Variants in COG7 observed in about 807,000 individuals in gnomAD.
COG7 encodes conserved oligomeric Golgi complex subunit 7.
In COG7, 49 loss-of-function variants were observed where a neutral mutation model predicts 91.5. The ratio of observed to expected loss-of-function variants is 0.54; its 90% CI spans 0.43 to 0.68. The LOEUF (loss-of-function observed/expected upper bound fraction) is 0.68, where lower values mean the gene tolerates loss of function less well. Ranked by LOEUF, COG7 falls within the 30% of genes least tolerant of loss-of-function variation. The pLI is 0.00. For synonymous variants in COG7, 365 were observed against 388.7 expected (o/e 0.94, Z 0.72); for missense variants, 895 against 961.3 (o/e 0.93, Z 0.91).
chr16:23,389,459 CCACACT>C (rs1168601349), intron 16 of COG7, among the ~76,000 whole-genome samples: 2 of 151,748 alleles, frequency 1.3e-5, no homozygotes, highest in East Asian at 3.9e-4. Flanking sequence ...ACTCTCACAT[CCACACT>C]CACACTCACA....
intron 13 of COG7, 24 bp downstream of exon 13, chr16:23,403,670 T>C (rs1253807558): frequency 6.2e-7 from 1 of 1,613,730 alleles, no homozygotes; most frequent in East Asian, 2.2e-5. Flanking sequence ...CGGGAAAAAT[T>C]GATGTGGTCA....
chr16:23,416,034 A>T (rs1218874893), intron 9 of COG7: 3 of 151,238 alleles, frequency 2.0e-5, no homozygotes, highest in South Asian at 4.2e-4. Context: ...ATTTTTTTTT[A>T]TTTTTTATTT....
chr16:23,445,674 T>C lies in COG7; in HGVS notation c.318+139A>G, dbSNP rs8055549. The C allele has an allele frequency of 2.3e-4, 196 of 865,020 alleles. No homozygotes were observed. In the African/African-American group the frequency reaches 2.9e-3, roughly 13 times the overall value. 53.6% of individuals were successfully genotyped at this position (865,020 alleles called of 1,614,324 possible). A position where few individuals can be genotyped will look rare whatever the true frequency, so the allele number is the denominator to read the frequency against. On this transcript the variant is annotated intron_variant, in intron 2 of 16. Transcript: ENST00000307149. Reference sequence around the variant, plus strand: ...ACTCTGTCTCAAAAAAAAAAGAGCATAGCTGGAGTGCTGGGCAGAATCTTG... The same window carrying C: ...ACTCTGTCTCAAAAAAAAAAGAGCACAGCTGGAGTGCTGGGCAGAATCTTG...
At chr16:23,389,915 G>C (rs888374699) in intron 16 of COG7, 1 of 152,230 alleles carries the variant, frequency 6.6e-6, no homozygotes, top group African/African-American at 2.4e-5. Flanking sequence ...GTGCAGCCAG[G>C]TGTGACCTCA....
chr16:23,403,677 G>C lies in COG7; in HGVS notation c.1803+17C>G. On this transcript the variant is annotated intron_variant, in intron 13 of 16. Coordinates refer to ENST00000307149, the MANE Select transcript of COG7 (RefSeq NM_153603.4). ...GCAGGACCCGGGAAAAATTGATGTG[G>C]TCAGTGAGAAACTCACGTCCATCTT... is the stretch of plus-strand genomic sequence containing the variant. The C allele has an allele frequency of 6.2e-7, 1 of 1,613,870 alleles. No individual in the cohort carries two copies. The highest frequency in any genetic ancestry group is 1.1e-5 in the South Asian group (1 of 91,062).
rs146818767 is a variant in COG7, at chr16:23,442,654, G to C, written c.436-9C>G. On this transcript the variant is annotated splice_polypyrimidine_tract_variant and intron_variant, in intron 3 of 16. Coordinates refer to ENST00000307149, the MANE Select transcript of COG7 (RefSeq NM_153603.4). ...GAAATCACAGCTATGTCCTAGAAAA[G>C]ACCAGAATAGAGAATATTTATTTTA... The C allele has an allele frequency of 3.0e-5, 49 of 1,609,178 alleles. No homozygotes were observed. In the East Asian group the frequency reaches 1.0e-3, roughly 34 times the overall value.
intron 1 of COG7, 26 bp downstream of exon 1, chr16:23,452,800 C>G: frequency 6.3e-7 from 1 of 1,599,792 alleles, no homozygotes; most frequent in Non-Finnish European, 8.5e-7. Flanking sequence ...GGGAGGGTCC[C>G]GCGGCCAGGG....
chr16:23,408,684 C>T (rs999998498), intron 11 of COG7, among the ~76,000 whole-genome samples: 8 of 151,904 alleles, frequency 5.3e-5, no homozygotes, highest in African/African-American at 1.2e-4. Context: ...ACAGAAATTG[C>T]GTGACTTTCG....
Position 23,442,560 on chromosome 16 carries a change from C to T in COG7, c.521G>A (p.Cys174Tyr), listed in dbSNP as rs1306283600. 2 of 1,614,148 alleles carry T rather than the reference C, an allele frequency of 1.2e-6. No homozygotes were observed. Among genetic ancestry groups the T allele is most frequent in the South Asian group, 2.2e-5 (2 of 91,086 alleles). Reference protein sequence around the residue: ...LVDTPDYSEKCVHLEALKNRL... With the variant: ...LVDTPDYSEKYVHLEALKNRL... ...GTTCTTCAGTGCCTCCAAGTGCACA[C>T]ACTTTTCTGAGTAGTCTGGTGTATC... The change falls in exon 4 of 17, where the codon TGT (cysteine) becomes TAT (tyrosine). Residue 174 changes from cysteine to tyrosine, a missense_variant. By Grantham distance (194) the Cys-to-Tyr change is radical (BLOSUM62 -2). Transcript: ENST00000307149.
At chr16:23,419,187 A>G (rs1293372199) in intron 7 of COG7, among the ~76,000 whole-genome samples, 3 of 151,750 alleles carry the variant, frequency 2.0e-5, no homozygotes, top group African/African-American at 7.3e-5. Context: ...GGGCGGATCA[A>G]CTGAGGTCAG....
At chr16:23,436,373 C>G (rs903329716) in intron 4 of COG7, among the ~76,000 whole-genome samples, 1 of 152,070 alleles carries the variant, frequency 6.6e-6, no homozygotes, top group East Asian at 1.9e-4. Context: ...CTCACATTGT[C>G]ATTTTAGGAG....
chr16:23,429,789 G>C (rs768602350), intron 6 of COG7, among the ~76,000 whole-genome samples: 1 of 151,984 alleles, frequency 6.6e-6, no homozygotes, highest in Non-Finnish European at 1.5e-5. Flanking sequence ...AAACAAACAG[G>C]TATATTCACA....
At chr16:23,433,809 A>C in intron 5 of COG7, 142 bp from the exon 6 acceptor site, 2 of 821,934 alleles carry the variant, frequency 2.4e-6, no homozygotes, top group Non-Finnish European at 3.9e-6. Context: ...TTCACTTCAA[A>C]GAAAGGCAGG....
intron 13 of COG7, among the ~76,000 whole-genome samples, chr16:23,401,985 C>T (rs1963385781): frequency 6.6e-6 from 1 of 152,028 alleles, no homozygotes; most frequent in African/African-American, 2.4e-5. Flanking sequence ...TGAACCCAGG[C>T]AGCAGAGGTT....
At chr16:23,399,197 C>T (rs758531562) in intron 13 of COG7, among the ~76,000 whole-genome samples, 1 of 152,182 alleles carries the variant, frequency 6.6e-6, no homozygotes, top group Non-Finnish European at 1.5e-5. Context: ...GCAGCCCTCC[C>T]CGTGCTCTCT....
In COG7 at chr16:23,392,584, A is replaced by T. The variant is rs953143414; in HGVS notation, c.2003-61T>A. The T allele has an allele frequency of 2.5e-6, 4 of 1,600,836 alleles. No individual in the cohort carries two copies. In the East Asian group the frequency reaches 6.7e-5, roughly 27 times the overall value. On this transcript the variant is annotated intron_variant, in intron 15 of 16. Transcript: ENST00000307149. ...GCCTGCAGTAGCTGCTGAATGCACC[A>T]AAGTACCAGGAAGCTTCTGATCTCA...
chr16:23,418,132 G>A (rs902779507), intron 8 of COG7, among the ~76,000 whole-genome samples: 3 of 152,186 alleles, frequency 2.0e-5, no homozygotes, highest in Non-Finnish European at 4.4e-5. Flanking sequence ...TAAGAAATTA[G>A]TAAACCAGGG....
chr16:23,401,291 C>A (rs1483328967), intron 13 of COG7, among the ~76,000 whole-genome samples: 1 of 152,204 alleles, frequency 6.6e-6, no homozygotes. Context: ...CTGGCACCCT[C>A]GGAGTGCTCC....
rs1427117825 is a variant in COG7 at position 23,398,121 on chromosome 16, A to G, written c.1812T>C (p.Asn604=). The part of the protein sequence containing the change: ...LLLISKMDSW[N]TAGIGETLTD... ...TGAGGGTTTCTCCGATGCCAGCCGT[A>G]TTCCAGCTCTAAGGGTGGAACGAGA... Residue 604 remains asparagine (N), a synonymous_variant, in exon 14 of 17, where the codon AAT becomes AAC. Coordinates refer to ENST00000307149, the MANE Select transcript of COG7 (RefSeq NM_153603.4). 1 of 1,613,962 alleles carries G rather than the reference A, an allele frequency of 6.2e-7. No homozygotes were observed. Among genetic ancestry groups the G allele is most frequent in the Non-Finnish European group, 8.5e-7 (1 of 1,179,964 alleles).
Sources: gnomAD v4.1 joint callset for allele counts (sites outside exome capture counted in the v4.1 genomes callset) on GRCh38, gnomAD v4.1.1 for gene constraint, MANE v1.5 for transcripts, NCBI Gene and HGNC (gene_info 2026-07-23, HGNC 2026-07-21) for gene names.